The following SNRPN variants were observed in gnomAD, a reference collection of about 807,000 sequenced individuals.
SNRPN encodes small nuclear ribonucleoprotein-associated protein N.
A neutral mutation model predicts 25.2 loss-of-function variants in SNRPN; 7 were observed. The ratio of observed to expected loss-of-function variants is 0.28; its 90% CI spans 0.16 to 0.52. SNRPN has a LOEUF of 0.52. SNRPN is among the 20% of genes least tolerant of loss of function. SNRPN has a pLI of 0.96. For synonymous variants in SNRPN, 124 were observed against 110.6 expected (o/e 1.12, Z -0.76); for missense variants, 196 against 322.5 (o/e 0.61, Z 3.00).
chr15:24,871,166 C>T (rs1283624682), intron 1 of SNRPN, among the ~76,000 whole-genome samples: 1 of 152,026 alleles, frequency 6.6e-6, no homozygotes, highest in Non-Finnish European at 1.5e-5. Flanking sequence ...GCTAGGATTA[C>T]AGGCGTGAGC....
chr15:24,895,373 C>T (rs1183120004), intron 2 of SNRPN, among the ~76,000 whole-genome samples: 2 of 147,510 alleles, frequency 1.4e-5, no homozygotes, highest in African/African-American at 5.1e-5. Context: ...AATATATTGT[C>T]AGAGCATTAC....
At chr15:24,904,459 G>A (rs770383718) in intron 2 of SNRPN, among the ~76,000 whole-genome samples, 3 of 152,040 alleles carry the variant, frequency 2.0e-5, no homozygotes, top group Non-Finnish European at 2.9e-5. Context: ...GCTCAAGACC[G>A]GCCTGGCCAA....
intron 2 of SNRPN, among the ~76,000 whole-genome samples, chr15:24,899,527 G>T (rs563773984): frequency 1.3e-5 from 2 of 152,160 alleles, no homozygotes; most frequent in Admixed American, 6.5e-5. Flanking sequence ...CCTTTCTCCA[G>T]CACTATATTT....
intron 2 of SNRPN, 68 bp from the exon 3 acceptor site, chr15:24,967,864 C>A: frequency 1.5e-5 from 15 of 1,034,012 alleles, no homozygotes; most frequent in East Asian, 2.9e-5. Flanking sequence ...ACCTAGTTTT[C>A]TTTCATATGG....
At position 24,918,776 on chromosome 15, in the gene SNRPN, CATAATATATATGTGTGCATAT is replaced by C. The variant is rs1566909980; in HGVS notation, c.-504-1231_-504-1211del. Reference sequence around the variant, plus strand: ...TATATATGTGTGCATATATATATAACATAATATATATGTGTGCATATATATATATAACAATATATATATGTG... The same window carrying C: ...TATATATGTGTGCATATATATATAACATATATATAACAATATATATATGTG... On this transcript the variant is annotated intron_variant, in intron 2 of 11. Transcript: ENST00000400097. Among the ~76,000 whole-genome samples the C allele has an allele frequency of 6.8e-4, 17 of 24,842 alleles. 6 individuals are homozygous for C. Among genetic ancestry groups the C allele is most frequent in the African/African-American group, 1.5e-3 (8 of 5,474 alleles). 16.3% of individuals were successfully genotyped at this position (24,842 alleles called of 152,430 possible).
In SNRPN at chr15:24,974,377, TTATC is replaced by T. The variant is rs772922093; in HGVS notation, c.-73_-70del. ...TTCTAGGAGAACCTGCGTCATACCT[TTATC>T]TATAGCCTTCCCCTAGGTCTTCAGA... On this transcript the variant is annotated 5_prime_UTR_variant, in exon 4 of 10. Coordinates refer to ENST00000390687, the MANE Select transcript of SNRPN (RefSeq NM_003097.6). 16 of 1,399,536 alleles carry T rather than the reference TTATC, an allele frequency of 1.1e-5. No individual in the cohort carries two copies. The highest frequency in any genetic ancestry group is 2.3e-5 in the South Asian group (2 of 86,606). The allele number at this position is 1,399,536 out of a possible 1,614,324, so 86.7% of individuals were successfully genotyped here.
chr15:24,862,145 A>G (rs2054041636), intron 1 of SNRPN, among the ~76,000 whole-genome samples: 1 of 151,068 alleles, frequency 6.6e-6, no homozygotes, highest in South Asian at 2.1e-4. Context: ...ACGCTATTGT[A>G]ATAAAATTTG....
chr15:24,967,641 T>TAAAA (rs35079024), intron 2 of SNRPN, among the ~76,000 whole-genome samples: 1 of 133,922 alleles, frequency 7.5e-6, no homozygotes, highest in Non-Finnish European at 1.6e-5. Flanking sequence ...GACTCTGTCT[T>TAAAA]AAAAAAAAAA....
In SNRPN at chr15:24,864,113, G is replaced by A. The variant is rs182847236; in HGVS notation, c.-579+7397G>A. Among the ~76,000 whole-genome samples the A allele has an allele frequency of 9.5e-3, 1,403 of 147,726 alleles. 14 individuals carry two copies. Among genetic ancestry groups the A allele is most frequent in the Non-Finnish European group, 0.014 (949 of 67,542 alleles). ...GTGAACTCTGCTTACTGCAAGCTCC[G>A]CCTCCCGGGTTCACACTATTCTCCT... is the stretch of plus-strand genomic sequence containing the variant. On this transcript the variant is annotated intron_variant, in intron 1 of 11. Transcript: ENST00000400097.
At chr15:24,878,234 C>T (rs2056178658) in intron 1 of SNRPN, among the ~76,000 whole-genome samples, 1 of 152,240 alleles carries the variant, frequency 6.6e-6, no homozygotes. Flanking sequence ...GTTTCCGTGG[C>T]GGGTCTAGGG....
At chr15:24,908,379 A>G (rs1223323415) in intron 2 of SNRPN, among the ~76,000 whole-genome samples, 1 of 152,230 alleles carries the variant, frequency 6.6e-6, no homozygotes, top group Non-Finnish European at 1.5e-5. Flanking sequence ...CTAGTTTGCC[A>G]TGCATTAAGG....
At chr15:24,849,450 C>T (rs1472323669) in intron 2 of SNRPN, 1 of 152,244 alleles carries the variant, frequency 6.6e-6, no homozygotes, top group Non-Finnish European at 1.5e-5. Context: ...TTTCCAGTGC[C>T]ACAGTGGTGA....
chr15:24,907,478 G>A (rs1019745905), intron 2 of SNRPN, among the ~76,000 whole-genome samples: 1 of 151,734 alleles, frequency 6.6e-6, no homozygotes, highest in Non-Finnish European at 1.5e-5. Context: ...GTCGCCTGTA[G>A]TCCCAGCTAC....
intron 2 of SNRPN, among the ~76,000 whole-genome samples, chr15:24,892,136 A>C (rs956668442): frequency 6.6e-6 from 1 of 152,192 alleles, no homozygotes. Context: ...TCTAACAGCT[A>C]TCGAAATGTC....
Position 24,977,847 on chromosome 15 carries a change from G to A in SNRPN, c.490G>A (p.Ala164Thr). 6.2e-7 allele frequency: 1 copy of A among 1,613,300 alleles called. No individual in the cohort carries two copies. Among genetic ancestry groups the A allele is most frequent in the Non-Finnish European group, 8.5e-7 (1 of 1,179,590 alleles). ...AVAATASIAGAPTQYPPGRGT... is the reference protein window; with the variant it reads ...AVAATASIAGTPTQYPPGRGT... ...TGCTGCGACTGCCAGTATTGCTGGA[G>A]CCCCAACACAGTACCCACCAGGACG... Residue 164 changes from alanine (A) to threonine (T), a missense_variant, in exon 8 of 10, where the codon GCC becomes ACC. Coordinates refer to ENST00000390687, the MANE Select transcript of SNRPN (RefSeq NM_003097.6).
intron 1 of SNRPN, among the ~76,000 whole-genome samples, chr15:24,878,670 C>T (rs1353640642): frequency 2.6e-5 from 4 of 152,154 alleles, no homozygotes; most frequent in Admixed American, 1.3e-4. Context: ...TATTGTATTT[C>T]TGTAACAGCC....
intron 3 of SNRPN, among the ~76,000 whole-genome samples, chr15:24,933,862 G>C (rs952178145): frequency 2.6e-5 from 4 of 152,194 alleles, no homozygotes; most frequent in African/African-American, 9.7e-5. Flanking sequence ...AAAACAGAAA[G>C]AATGAGATCA....
chr15:24,965,279 T>A (rs1289618550), intron 2 of SNRPN, among the ~76,000 whole-genome samples: 1 of 152,184 alleles, frequency 6.6e-6, no homozygotes, highest in African/African-American at 2.4e-5. Context: ...GGCTCACGCC[T>A]GTAATCCCAG....
At chr15:24,888,240 C>G (rs2057363293) in intron 2 of SNRPN, among the ~76,000 whole-genome samples, 1 of 151,730 alleles carries the variant, frequency 6.6e-6, no homozygotes, top group African/African-American at 2.4e-5. Context: ...TCCCAAATAG[C>G]TGGGATTACA....
Sources: allele counts gnomAD v4.1 joint callset (sites outside exome capture counted in the v4.1 genomes callset), GRCh38; gene constraint gnomAD v4.1.1; transcripts MANE v1.5; gene names NCBI Gene and HGNC (gene_info 2026-07-23, HGNC 2026-07-21).